The following AXDND1 variants were observed in gnomAD, a reference collection of about 807,000 sequenced individuals.
The protein encoded by AXDND1 is axonemal dynein light chain domain containing 1.
AXDND1 carries 110 observed loss-of-function variants against 137.5 expected under a neutral mutation model. The observed-to-expected ratio is 0.80, with a 90% CI of 0.69 to 0.94. The LOEUF (loss-of-function observed/expected upper bound fraction) is 0.94, where lower values mean the gene tolerates loss of function less well. Among genes scored for constraint, AXDND1 ranks in the 40% least tolerant of loss-of-function variants. AXDND1 has a pLI of 0.00. For synonymous variants in AXDND1, 414 were observed against 399.7 expected (o/e 1.04, Z -0.43); for missense variants, 1,191 against 1,169.8 (o/e 1.02, Z -0.26).
At chr1:179,476,416 C>T (rs1348347306) in intron 17 of AXDND1, among the ~76,000 whole-genome samples, 1 of 152,082 alleles carries the variant, frequency 6.6e-6, no homozygotes, top group Non-Finnish European at 1.5e-5. Context: ...TACATTCTGT[C>T]TTTTAAAATT....
chr1:179,540,143 C>G (rs1191680322), intron 25 of AXDND1, among the ~76,000 whole-genome samples: 2 of 151,920 alleles, frequency 1.3e-5, no homozygotes, highest in Non-Finnish European at 2.9e-5. Flanking sequence ...AGAACATGCT[C>G]CTTTAGCTCG....
intron 16 of AXDND1, chr1:179,448,651 C>T (rs931974097): frequency 6.2e-5 from 12 of 194,206 alleles, no homozygotes; most frequent in Admixed American, 1.7e-4. Context: ...TGCCTGGAGC[C>T]GCCTCCTTCA....
intron 20 of AXDND1, among the ~76,000 whole-genome samples, chr1:179,505,357 G>C (rs1668434418): frequency 6.6e-6 from 1 of 152,158 alleles, no homozygotes; most frequent in South Asian, 2.1e-4. Flanking sequence ...ACAGGGTTCA[G>C]AACTGAGGAT....
At chr1:179,460,871 A>G (rs1662221784) in intron 16 of AXDND1, among the ~76,000 whole-genome samples, 1 of 152,152 alleles carries the variant, frequency 6.6e-6, no homozygotes, top group Admixed American at 6.5e-5. Flanking sequence ...GTCTGTTCAT[A>G]TCCTTCGCCC....
At chr1:179,466,990 G>C (rs1663286766) in intron 16 of AXDND1, among the ~76,000 whole-genome samples, 1 of 152,082 alleles carries the variant, frequency 6.6e-6, no homozygotes. Context: ...GGTCCCAATA[G>C]TATCCTGGTG....
In AXDND1 at chr1:179,368,900, T is replaced by G. The variant is rs141768745; in HGVS notation, c.198T>G (p.Ser66=). The G allele has an allele frequency of 3.7e-4, 596 of 1,613,796 alleles. No individual in the cohort carries two copies. Among genetic ancestry groups the G allele is most frequent in the Non-Finnish European group, 4.8e-4 (568 of 1,179,784 alleles). ...TCATTCCCAAAGAAGTTCTTCTTTC[T>G]CTGACCTATGCGGCCAATGCTGGTC... is the stretch of plus-strand genomic sequence containing the variant. ...NEFIPKEVLL[S]LTYAANAGPC... The change falls in exon 3 of 26, where the codon TCT becomes TCG. Residue 66 remains serine (S), a synonymous_variant. Coordinates refer to ENST00000367618, the MANE Select transcript of AXDND1 (RefSeq NM_144696.6).
chr1:179,508,874 T>C lies in AXDND1; in HGVS notation c.2389-422T>C, dbSNP rs185899889. ...AATAGTTAATGTCTCATACTGAGGA[T>C]CAAATGAGTTAATATATGCATAATG... On this transcript the variant is annotated intron_variant, in intron 20 of 25. Transcript: ENST00000367618. 6.8e-4 allele frequency among the ~76,000 whole-genome samples: 103 copies of C among 152,282 alleles called. 1 individual carries two copies. Among genetic ancestry groups the C allele is most frequent in the Middle Eastern group, 3.4e-3 (1 of 294 alleles).
intron 17 of AXDND1, among the ~76,000 whole-genome samples, chr1:179,469,798 C>A (rs1450493506): frequency 6.6e-6 from 1 of 152,168 alleles, no homozygotes; most frequent in Admixed American, 6.5e-5. Context: ...AATTGTTTCA[C>A]ATGCTTATTG....
rs758610430 is a variant in AXDND1, at chr1:179,509,358, A to C, written c.2451A>C (p.Lys817Asn). 118 of 1,612,678 alleles carry C rather than the reference A, an allele frequency of 7.3e-5. No homozygotes were observed. In the Middle Eastern group the frequency reaches 8.2e-4, roughly 11 times the overall value. ...TCCTTTCTAATATCAAAGGCAGAAA[A>C]ATTACATTATTGACATATGAAGAAA... The part of the protein sequence containing the change: ...SCLLSNIKGR[K>N]ITLLTYEEIE... The change falls in exon 21 of 26, where the codon AAA becomes AAC. Residue 817 changes from lysine (K) to asparagine (N), a missense_variant. Transcript: ENST00000367618.
chr1:179,492,005 GAC>G (rs771961474), intron 19 of AXDND1, among the ~76,000 whole-genome samples: 12 of 152,176 alleles, frequency 7.9e-5, no homozygotes, highest in Admixed American at 2.0e-4. Flanking sequence ...GCATAAATAA[GAC>G]ACATCTTACA....
At chr1:179,424,496 C>T (rs1656268153) in intron 12 of AXDND1, among the ~76,000 whole-genome samples, 1 of 145,334 alleles carries the variant, frequency 6.9e-6, no homozygotes, top group Admixed American at 7.1e-5. Context: ...GGCATGATCT[C>T]TGCTCACTGC....
At chr1:179,536,428 A>G (rs1184051423) in intron 25 of AXDND1, among the ~76,000 whole-genome samples, 1 of 152,202 alleles carries the variant, frequency 6.6e-6, no homozygotes, top group Non-Finnish European at 1.5e-5. Context: ...CTTTCTGCAT[A>G]TGGCTGGCTA....
At chr1:179,414,683 C>G (rs1394968602) in intron 12 of AXDND1, among the ~76,000 whole-genome samples, 1 of 152,160 alleles carries the variant, frequency 6.6e-6, no homozygotes, top group South Asian at 2.1e-4. Context: ...CCTCAGCCTG[C>G]CAAAGTGCTG....
chr1:179,462,728 G>A (rs1269328299), intron 16 of AXDND1, among the ~76,000 whole-genome samples: 2 of 151,082 alleles, frequency 1.3e-5, no homozygotes, highest in African/African-American at 4.9e-5. Context: ...TTATTTATTG[G>A]TCTATTCAGG....
At chr1:179,528,238 A>G (rs1670721451) in intron 22 of AXDND1, 89 bp from the exon 23 acceptor site, 3 of 846,210 alleles carry the variant, frequency 3.5e-6, no homozygotes, top group Non-Finnish European at 5.8e-6. Context: ...AGCTTCCAAC[A>G]TGGTGCCAGG....
At chr1:179,478,177 T>C (rs1186059324) in intron 17 of AXDND1, among the ~76,000 whole-genome samples, 1 of 152,202 alleles carries the variant, frequency 6.6e-6, no homozygotes, top group African/African-American at 2.4e-5. Flanking sequence ...ATGCTGTTGG[T>C]GGATCTACCA....
chr1:179,452,920 G>T (rs1362729318), intron 16 of AXDND1: 1 of 152,076 alleles, frequency 6.6e-6, no homozygotes, highest in South Asian at 2.1e-4. Flanking sequence ...CTGGGTCCAG[G>T]GTCCCCATGC....
intron 4 of AXDND1, 51 bp downstream of exon 4, chr1:179,370,129 C>T: frequency 7.1e-7 from 1 of 1,401,526 alleles, no homozygotes; most frequent in South Asian, 1.2e-5. Context: ...GTTGTTTTCT[C>T]ATTTTGAATG....
chr1:179,504,658 A>G (rs563335175), intron 20 of AXDND1, among the ~76,000 whole-genome samples: 2 of 152,274 alleles, frequency 1.3e-5, no homozygotes, highest in South Asian at 2.1e-4. Context: ...TGCTATGGCC[A>G]TTCATTGCCC....
Sources: allele counts gnomAD v4.1 joint callset (sites outside exome capture counted in the v4.1 genomes callset), GRCh38; gene constraint gnomAD v4.1.1; transcripts MANE v1.5; gene names NCBI Gene and HGNC (gene_info 2026-07-23, HGNC 2026-07-21).